ZNF407: variants seen among roughly 807,000 people sequenced by gnomAD.
The protein encoded by ZNF407 is zinc finger protein 407.
A neutral mutation model predicts 131.2 loss-of-function variants in ZNF407; 17 were observed. The observed-to-expected ratio is 0.13, with a 90% CI of 0.09 to 0.19. The LOEUF is 0.19. Among genes scored for constraint, ZNF407 ranks in the 10% least tolerant of loss-of-function variants. The pLI, the probability that ZNF407 is intolerant of heterozygous loss-of-function variation, is 1.00. For missense variants in ZNF407, 2,681 were observed against 2,830.6 expected (o/e 0.95, Z 1.20); for synonymous variants, 1,156 against 1,062.0 (o/e 1.09, Z -1.72).
chr18:75,025,612 G>A (rs1973161826), intron 8 of ZNF407, among the ~76,000 whole-genome samples: 1 of 152,116 alleles, frequency 6.6e-6, no homozygotes, highest in Non-Finnish European at 1.5e-5. Flanking sequence ...CTCCCCAAAA[G>A]GCATTATATG....
chr18:74,685,583 T>C (rs507810), intron 3 of ZNF407, among the ~76,000 whole-genome samples: 117,944 of 152,152 alleles, frequency 0.78, 46,053 homozygotes, highest in East Asian at 0.9. Flanking sequence ...CTCCATGACC[T>C]GATGCCCCTG....
intron 8 of ZNF407, among the ~76,000 whole-genome samples, chr18:75,041,591 G>A (rs1973373799): frequency 6.7e-6 from 1 of 149,210 alleles, no homozygotes; most frequent in Non-Finnish European, 1.5e-5. Flanking sequence ...ACATTCGGCT[G>A]ATACTGTAGC....
At chr18:74,601,807 A>G (rs1982597641) in intron 1 of ZNF407, among the ~76,000 whole-genome samples, 1 of 152,162 alleles carries the variant, frequency 6.6e-6, no homozygotes, top group Non-Finnish European at 1.5e-5. Flanking sequence ...AACATTGGGG[A>G]CTACATTTCA....
intron 3 of ZNF407, among the ~76,000 whole-genome samples, chr18:74,755,678 T>A (rs1389568672): frequency 6.7e-6 from 1 of 148,326 alleles, no homozygotes; most frequent in Non-Finnish European, 1.5e-5. Context: ...AACCTCTGCC[T>A]CCTGAGTTCA....
intron 4 of ZNF407, among the ~76,000 whole-genome samples, chr18:74,802,290 T>C (rs1405050443): frequency 1.3e-5 from 2 of 152,232 alleles, no homozygotes; most frequent in African/African-American, 4.8e-5. Context: ...ACCTATTGTT[T>C]ATGTGAATCA....
intron 3 of ZNF407, among the ~76,000 whole-genome samples, chr18:74,657,989 C>CAA (rs1305084920): frequency 2.0e-5 from 3 of 151,266 alleles, no homozygotes; most frequent in African/African-American, 7.3e-5. Flanking sequence ...CCCTCCTTTC[C>CAA]CCCTTTCTTC....
intron 4 of ZNF407, among the ~76,000 whole-genome samples, chr18:74,799,166 A>C (rs1450638447): frequency 6.6e-6 from 1 of 152,164 alleles, no homozygotes; most frequent in Non-Finnish European, 1.5e-5. Context: ...TGTTCAAAGA[A>C]ATTACTTAGC....
chr18:74,881,100 G>A lies in ZNF407; in HGVS notation c.5109G>A (p.Lys1703=), dbSNP rs1380753262. The A allele has an allele frequency of 5.7e-6, 9 of 1,578,152 alleles. No homozygotes were observed. The highest frequency in any genetic ancestry group is 2.3e-5 in the East Asian group (1 of 43,530). ...GCGGGACCCGCCACGCCCTCACCAA[G>A]CATCGCAGACAGCACACAGGTCAGT... The part of the protein sequence containing the change: ...FAGGTRHALT[K]HRRQHTGEKP... Residue 1703 remains lysine (K), a synonymous_variant, in exon 6 of 9, where the codon AAG becomes AAA. Transcript: ENST00000299687.
At chr18:74,629,761 C>T (rs9319681) in intron 1 of ZNF407, among the ~76,000 whole-genome samples, 11,581 of 152,054 alleles carry the variant, frequency 0.076, 545 homozygotes, top group African/African-American at 0.13. Context: ...TTTTTATTAA[C>T]GTGGAATCAA....
intron 3 of ZNF407, among the ~76,000 whole-genome samples, chr18:74,721,490 AC>A (rs1968035361): frequency 6.6e-6 from 1 of 152,186 alleles, no homozygotes; most frequent in African/African-American, 2.4e-5. Context: ...ATTTAGAAAA[AC>A]CTAAAGACCC....
intron 8 of ZNF407, among the ~76,000 whole-genome samples, chr18:74,974,604 G>A (rs1179317587): frequency 6.6e-6 from 1 of 152,174 alleles, no homozygotes; most frequent in East Asian, 1.9e-4. Context: ...ATTCACTACA[G>A]CTTACATAGT....
At chr18:74,916,252 T>C (rs1971759319) in intron 7 of ZNF407, among the ~76,000 whole-genome samples, 1 of 118,534 alleles carries the variant, frequency 8.4e-6, no homozygotes, top group Non-Finnish European at 1.6e-5. Flanking sequence ...TGAAGTTGTG[T>C]GAAGCATTGG....
chr18:74,832,020 G>A (rs17055709), intron 4 of ZNF407, among the ~76,000 whole-genome samples: 3,481 of 152,304 alleles, frequency 0.023, 134 homozygotes, highest in African/African-American at 0.076. Flanking sequence ...TGAAGCCTTG[G>A]CGCTGTGAAA....
chr18:74,872,580 G>T (rs1971102378), intron 4 of ZNF407, among the ~76,000 whole-genome samples: 1 of 151,692 alleles, frequency 6.6e-6, no homozygotes, highest in Non-Finnish European at 1.5e-5. Flanking sequence ...TGGCCAACAT[G>T]GTGAAACCCT....
At chr18:74,669,477 G>T (rs1024300246) in intron 3 of ZNF407, among the ~76,000 whole-genome samples, 3 of 152,070 alleles carry the variant, frequency 2.0e-5, no homozygotes, top group African/African-American at 7.2e-5. Context: ...TCCCAATCAC[G>T]GTGTTTGCCT....
intron 3 of ZNF407, among the ~76,000 whole-genome samples, chr18:74,699,641 C>G (rs1308195210): frequency 1.3e-5 from 2 of 152,080 alleles, no homozygotes; most frequent in African/African-American, 4.8e-5. Flanking sequence ...TCCTTACTGT[C>G]CTGCTTGCTG....
intron 8 of ZNF407, among the ~76,000 whole-genome samples, chr18:75,008,543 A>C (rs1227188041): frequency 6.6e-6 from 1 of 152,252 alleles, no homozygotes; most frequent in Non-Finnish European, 1.5e-5. Flanking sequence ...TTTCATTTTA[A>C]CAGCGTTGCA....
intron 3 of ZNF407, among the ~76,000 whole-genome samples, chr18:74,750,685 C>T (rs185026839): frequency 2.4e-4 from 36 of 152,258 alleles, no homozygotes; most frequent in Non-Finnish European, 4.6e-4. Context: ...CGTTTCTGCA[C>T]AGATTTTTGA....
At chr18:74,740,702 G>A (rs555222494) in intron 3 of ZNF407, among the ~76,000 whole-genome samples, 24 of 152,208 alleles carry the variant, frequency 1.6e-4, no homozygotes, top group Non-Finnish European at 3.1e-4. Context: ...TGGGTTTAGG[G>A]AAATTAATCC....
Sources: allele counts gnomAD v4.1 joint callset (sites outside exome capture counted in the v4.1 genomes callset), GRCh38; gene constraint gnomAD v4.1.1; transcripts MANE v1.5; gene names NCBI Gene and HGNC (gene_info 2026-07-23, HGNC 2026-07-21).